TAFA2: variants seen among roughly 807,000 people sequenced by gnomAD.
TAFA2 encodes the protein chemokine-like protein TAFA-2.
In TAFA2, 7 loss-of-function variants were observed where a neutral mutation model predicts 18.8. The observed-to-expected ratio is 0.37, with a 90% CI of 0.21 to 0.70. The LOEUF is 0.70. TAFA2 is among the 30% of genes least tolerant of loss of function. The pLI, the probability that TAFA2 is intolerant of heterozygous loss-of-function variation, is 0.53. For missense variants in TAFA2, 122 were observed against 158.1 expected (o/e 0.77, Z 1.23); for synonymous variants, 60 against 54.2 (o/e 1.11, Z -0.47).
intron 1 of TAFA2, among the ~76,000 whole-genome samples, chr12:61,936,914 C>T (rs1319738463): frequency 6.6e-6 from 1 of 152,088 alleles, no homozygotes; most frequent in African/African-American, 2.4e-5. Context: ...ATACCTAGGA[C>T]ACCCTAAAGA....
intron 2 of TAFA2, among the ~76,000 whole-genome samples, chr12:61,760,909 G>A (rs1430974594): frequency 6.6e-6 from 1 of 151,206 alleles, no homozygotes; most frequent in Non-Finnish European, 1.5e-5. Context: ...TTCCTCCATG[G>A]ACGTGATGCA....
At chr12:62,106,081 C>A (rs1282775196) in intron 1 of TAFA2, among the ~76,000 whole-genome samples, 2 of 151,956 alleles carry the variant, frequency 1.3e-5, no homozygotes, top group Non-Finnish European at 2.9e-5. Context: ...GCCTGTAATC[C>A]CAGCACTTAG....
At chr12:61,821,384 C>T (rs1040895325) in intron 2 of TAFA2, among the ~76,000 whole-genome samples, 2 of 152,046 alleles carry the variant, frequency 1.3e-5, no homozygotes, top group Non-Finnish European at 2.9e-5. Context: ...AACCAAGACA[C>T]ACCTACAATT....
At chr12:62,106,598 G>A (rs1869465633) in intron 1 of TAFA2, among the ~76,000 whole-genome samples, 1 of 152,168 alleles carries the variant, frequency 6.6e-6, no homozygotes, top group Non-Finnish European at 1.5e-5. Flanking sequence ...TTAAAAGAAA[G>A]CGTAGAAAAA....
chr12:61,771,763 C>T (rs1420400791), intron 2 of TAFA2, among the ~76,000 whole-genome samples: 1 of 151,388 alleles, frequency 6.6e-6, no homozygotes, highest in Non-Finnish European at 1.5e-5. Context: ...GCATTGAATG[C>T]CTACATCAAA....
At chr12:61,890,316 C>T (rs1875574157) in intron 1 of TAFA2, 1 of 152,222 alleles carries the variant, frequency 6.6e-6, no homozygotes, top group African/African-American at 2.4e-5. Context: ...TAATTTGCCA[C>T]TCTCATTACT....
At chr12:61,880,776 G>T in intron 1 of TAFA2, 2 of 358,464 alleles carry the variant, frequency 5.6e-6, no homozygotes, top group Non-Finnish European at 5.5e-6. Flanking sequence ...TGAGTGAACT[G>T]CCATGGCAGC....
At chr12:61,979,340 T>G (rs550368297) in intron 1 of TAFA2, among the ~76,000 whole-genome samples, 20 of 152,054 alleles carry the variant, frequency 1.3e-4, no homozygotes, top group Non-Finnish European at 2.5e-4. Flanking sequence ...TGGGTAAATA[T>G]GGGAAAAAGA....
At chr12:61,785,082 C>A (rs975167958) in intron 2 of TAFA2, among the ~76,000 whole-genome samples, 1 of 151,404 alleles carries the variant, frequency 6.6e-6, no homozygotes, top group African/African-American at 2.4e-5. Context: ...AATTGTGTAT[C>A]CTTTAACAAA....
intron 1 of TAFA2, among the ~76,000 whole-genome samples, chr12:62,251,425 T>C (rs778024118): frequency 5.3e-5 from 8 of 152,098 alleles, no homozygotes; most frequent in Non-Finnish European, 1.2e-4. Context: ...ATACTGAAAG[T>C]TGTAGGCTTA....
chr12:62,023,952 G>T lies in TAFA2; in HGVS notation c.-1-156526C>A, dbSNP rs143042774. Among the ~76,000 whole-genome samples, 546 of 152,258 alleles carry T rather than the reference G, an allele frequency of 3.6e-3. 11 individuals are homozygous for T. The highest frequency in any genetic ancestry group is 0.013 in the African/African-American group (530 of 41,560). On this transcript the variant is annotated intron_variant, in intron 1 of 4. Coordinates refer to ENST00000416284, the MANE Select transcript of TAFA2 (RefSeq NM_178539.5). The stretch of plus-strand genomic sequence containing the variant: ...AGTTAAATAGGCATTTGTTAAGATT[G>T]TGAAAAGTCGAAAGTTTAGATAACT...
intron 1 of TAFA2, among the ~76,000 whole-genome samples, chr12:62,089,686 A>G (rs781279148): frequency 1.3e-5 from 2 of 152,048 alleles, no homozygotes; most frequent in Non-Finnish European, 1.5e-5. Context: ...TTAAATACAT[A>G]TGATTCATGG....
chr12:61,721,663 A>C, intron 4 of TAFA2, among the ~76,000 whole-genome samples: 1 of 152,208 alleles, frequency 6.6e-6, no homozygotes, highest in East Asian at 1.9e-4. Flanking sequence ...TAGATGTTTA[A>C]AAGTTTTATT....
chr12:61,736,787 C>G (rs961733198), intron 4 of TAFA2, among the ~76,000 whole-genome samples: 2 of 151,932 alleles, frequency 1.3e-5, no homozygotes, highest in African/African-American at 4.8e-5. Context: ...GATGTAAAGT[C>G]TTCAGGCTGT....
chr12:61,941,808 A>T (rs1423974101), intron 1 of TAFA2, among the ~76,000 whole-genome samples: 3 of 152,206 alleles, frequency 2.0e-5, no homozygotes, highest in Non-Finnish European at 4.4e-5. Flanking sequence ...TCCTATGCCC[A>T]CGGAATCTCG....
At position 61,772,200 on chromosome 12, in the gene TAFA2, G is replaced by A. The variant is rs11174169; in HGVS notation, c.107-17176C>T. 4.1e-4 allele frequency among the ~76,000 whole-genome samples: 63 copies of A among 151,944 alleles called. No individual in the cohort carries two copies. The East Asian group carries it at 0.011, about 27-fold the overall frequency. On this transcript the variant is annotated intron_variant, in intron 2 of 4. Transcript: ENST00000416284. ...CAGGAAGAAATAGAAACTCTAAACA[G>A]AGCAATAACAAGCAGTGATATTGAA... is the stretch of plus-strand genomic sequence containing the variant.
chr12:61,809,233 C>T (rs1039025598), intron 2 of TAFA2, among the ~76,000 whole-genome samples: 1 of 151,478 alleles, frequency 6.6e-6, no homozygotes, highest in Non-Finnish European at 1.5e-5. Context: ...GATTAGCTAA[C>T]CTCAGGCAAA....
chr12:62,218,339 T>TGAGGG (rs1371940715), intron 1 of TAFA2, among the ~76,000 whole-genome samples: 2 of 151,954 alleles, frequency 1.3e-5, no homozygotes, highest in African/African-American at 2.4e-5. Context: ...AGAAAGGAAA[T>TGAGGG]GAGGGAAGGA....
intron 1 of TAFA2, among the ~76,000 whole-genome samples, chr12:62,081,633 C>T (rs1403115852): frequency 6.6e-6 from 1 of 151,920 alleles, no homozygotes; most frequent in African/African-American, 2.4e-5. Context: ...AACAGGAGCC[C>T]GCCACCACAC....
Sources: gnomAD v4.1 joint callset for allele counts (sites outside exome capture counted in the v4.1 genomes callset) on GRCh38, gnomAD v4.1.1 for gene constraint, MANE v1.5 for transcripts, NCBI Gene and HGNC (gene_info 2026-07-23, HGNC 2026-07-21) for gene names.